Variants in FHAD1 observed in about 807,000 individuals in gnomAD.
The protein encoded by FHAD1 is forkhead-associated domain-containing protein 1.
Under a neutral mutation model 191.3 loss-of-function variants are expected in FHAD1, and 146 were observed. That is an observed-to-expected ratio of 0.76 (90% CI 0.67 to 0.88). FHAD1 has a LOEUF of 0.88. Among genes scored for constraint, FHAD1 ranks in the 40% least tolerant of loss-of-function variants. The probability of loss-of-function intolerance (pLI) is 0.00; values close to 1 mark genes in which losing one functional copy is unlikely to be tolerated. For missense variants in FHAD1, 1,635 were observed against 1,785.8 expected, an observed-to-expected ratio of 0.92 and a Z score of 1.52; for synonymous variants, 616 against 672.3, an observed-to-expected ratio of 0.92 and a Z score of 1.29.
intron 10 of FHAD1, among the ~76,000 whole-genome samples, chr1:15,322,512 G>A (rs960467372): frequency 2.6e-5 from 4 of 152,180 alleles, no homozygotes; most frequent in African/African-American, 9.7e-5. Context: ...GGGAAGCCAG[G>A]CCTGTCTGAC....
intron 23 of FHAD1, among the ~76,000 whole-genome samples, chr1:15,364,794 C>T (rs1695888770): frequency 6.6e-6 from 1 of 152,116 alleles, no homozygotes; most frequent in African/African-American, 2.4e-5. Flanking sequence ...TGCAGTTTCT[C>T]AACTTGCTGA....
Position 15,329,643 on chromosome 1 carries a change from G to C in FHAD1, c.1906+102G>C. 3.6e-6 allele frequency: 4 copies of C among 1,116,238 alleles called. No individual in the cohort carries two copies. Among genetic ancestry groups the C allele is most frequent in the Non-Finnish European group, 5.2e-6 (4 of 767,872 alleles). 69.1% of individuals were successfully genotyped at this position (1,116,238 alleles called of 1,614,324 possible). A position where few individuals can be genotyped will look rare whatever the true frequency, so the allele number is the denominator to read the frequency against. ...GTTGAGGAAGTCTTCCTGGGTATCT[G>C]GCCAAGTCTATTCCCTTCTCCAGAA... On this transcript the variant is annotated intron_variant, in intron 14 of 33. Transcript: ENST00000688493. The surrounding 1 kb of genome is among the most constrained non-coding windows in gnomAD (Gnocchi z 5.0).
At chr1:15,319,962 T>C (rs1036871600) in intron 10 of FHAD1, among the ~76,000 whole-genome samples, 1 of 152,216 alleles carries the variant, frequency 6.6e-6, no homozygotes, top group Non-Finnish European at 1.5e-5. Flanking sequence ...GTTGTAGTCA[T>C]GAACATGGAG....
chr1:15,293,524 C>T (rs971320505), intron 4 of FHAD1, among the ~76,000 whole-genome samples: 4 of 152,064 alleles, frequency 2.6e-5, no homozygotes, highest in African/African-American at 7.3e-5. Flanking sequence ...CTGAGACCAG[C>T]CTGACTAACA....
chr1:15,365,342 T>C (rs1339364390), intron 23 of FHAD1, among the ~76,000 whole-genome samples: 1 of 147,318 alleles, frequency 6.8e-6, no homozygotes, highest in East Asian at 2.0e-4. Context: ...TCTTTCTTTC[T>C]TTTTTTTTTT....
In FHAD1 at chr1:15,254,567, A is replaced by G. The variant is rs146366687; in HGVS notation, c.93+2690A>G. Among the ~76,000 whole-genome samples the G allele has an allele frequency of 3.8e-3, 573 of 152,336 alleles. 3 individuals carry two copies. Among genetic ancestry groups the G allele is most frequent in the African/African-American group, 0.013 (549 of 41,580 alleles). On this transcript the variant is annotated intron_variant, in intron 2 of 33. Coordinates refer to ENST00000688493, the MANE Select transcript of FHAD1 (RefSeq NM_001391957.1). Reference sequence around the variant, plus strand: ...TTGGAAACAGGAACTAATGAGGACAATTATTATATATATAGACAGAAATTG... The same window carrying G: ...TTGGAAACAGGAACTAATGAGGACAGTTATTATATATATAGACAGAAATTG...
rs1278975239 is a variant in FHAD1 at position 15,311,526 on chromosome 1, G to C, written c.1040-1531G>C. ...TCACAAAGCATGCAGGCAAGCCCCAGAGAGAGCAGTCTGTTTCTAAGGAAC... is the reference window on the plus strand; with the variant it reads ...TCACAAAGCATGCAGGCAAGCCCCACAGAGAGCAGTCTGTTTCTAAGGAAC... On this transcript the variant is annotated intron_variant, in intron 7 of 33. Coordinates refer to ENST00000688493, the MANE Select transcript of FHAD1 (RefSeq NM_001391957.1). This position sits in a 1 kb window ranked among gnomAD's most constrained non-coding sequence, Gnocchi z 4.1. 6.6e-6 allele frequency among the ~76,000 whole-genome samples: 1 copy of C among 152,192 alleles called. No individual in the cohort carries two copies. Among genetic ancestry groups the C allele is most frequent in the East Asian group, 1.9e-4 (1 of 5,198 alleles).
rs895475594 is a variant in FHAD1 at position 15,318,969 on chromosome 1, T to C, written c.1365+1041T>C. On this transcript the variant is annotated intron_variant, in intron 10 of 33. Coordinates refer to ENST00000688493, the MANE Select transcript of FHAD1 (RefSeq NM_001391957.1). This position sits in a 1 kb window ranked among gnomAD's most constrained non-coding sequence, Gnocchi z 4.1. The stretch of plus-strand genomic sequence containing the variant: ...TCATCTAGTTTATTTGATTAGAAGA[T>C]GGTTGTCATTGAGAAAACTAAGAAT... Among the ~76,000 whole-genome samples, 1 of 152,126 alleles carries C rather than the reference T, an allele frequency of 6.6e-6. No homozygotes were observed. Among genetic ancestry groups the C allele is most frequent in the Non-Finnish European group, 1.5e-5 (1 of 68,038 alleles).
At chr1:15,293,595 G>A (rs900661072) in intron 4 of FHAD1, among the ~76,000 whole-genome samples, 3 of 152,166 alleles carry the variant, frequency 2.0e-5, no homozygotes, top group Non-Finnish European at 4.4e-5. Context: ...GCACGCACCT[G>A]TAATCCCAGC....
chr1:15,245,748 A>C (rs1645944656), upstream of FHAD1, among the ~76,000 whole-genome samples: 2 of 152,226 alleles, frequency 1.3e-5, no homozygotes, highest in South Asian at 4.1e-4. Context: ...AGGTCTCTGC[A>C]GTTCAGCTGC....
chr1:15,354,435 T>G (rs1490405401), intron 20 of FHAD1, among the ~76,000 whole-genome samples: 1 of 151,974 alleles, frequency 6.6e-6, no homozygotes, highest in Non-Finnish European at 1.5e-5. Context: ...GAGAGTTGGG[T>G]GAAGTGATGC....
chr1:15,237,367 T>G (rs1440160086), intron 1 of FHAD1, among the ~76,000 whole-genome samples: 1 of 152,272 alleles, frequency 6.6e-6, no homozygotes, highest in Non-Finnish European at 1.5e-5. Flanking sequence ...ATCTTCCAGC[T>G]CTTGTTCCCA....
chr1:15,369,150 C>T (rs1258399888), intron 25 of FHAD1, among the ~76,000 whole-genome samples: 3 of 152,180 alleles, frequency 2.0e-5, no homozygotes, highest in Non-Finnish European at 4.4e-5. Flanking sequence ...CAGGTGTCTT[C>T]AGCCCCCGTG....
At chr1:15,270,033 A>G (rs12047158) in intron 2 of FHAD1, among the ~76,000 whole-genome samples, 19 of 150,806 alleles carry the variant, frequency 1.3e-4, no homozygotes, top group Non-Finnish European at 2.2e-4. Flanking sequence ...TCCACAGCCT[A>G]CTGAGTAGCT....
intron 33 of FHAD1, among the ~76,000 whole-genome samples, chr1:15,396,627 G>A (rs760934): frequency 0.022 from 3,395 of 151,890 alleles, 118 homozygotes; most frequent in African/African-American, 0.076. Flanking sequence ...TGACCAACAT[G>A]GTGAAACCCC....
rs957807791 is a variant in FHAD1, at chr1:15,380,724, A to G, written c.3729A>G (p.Ala1243=). The change falls in exon 29 of 34, where the codon GCA becomes GCG. Residue 1243 remains alanine, a synonymous_variant. Coordinates refer to ENST00000688493, the MANE Select transcript of FHAD1 (RefSeq NM_001391957.1). The part of the protein sequence containing the change: ...ILAPQNGLCN[A]RFGSAMEKSG... ...AGCCTCAGAATGGCCTTTGCAACGC[A>G]AGGTTCGGCTCAGCCATGGAGAAGT... The G allele has an allele frequency of 1.2e-5, 18 of 1,551,734 alleles. No individual in the cohort carries two copies. The highest frequency in any genetic ancestry group is 2.4e-5 in the East Asian group (1 of 40,928).
chr1:15,353,029 G>T, intron 20 of FHAD1, 45 bp downstream of exon 20: 4 of 1,375,184 alleles, frequency 2.9e-6, no homozygotes, highest in Non-Finnish European at 4.0e-6. Flanking sequence ...CCAGCACAGC[G>T]AAGGGCAGTG....
intron 5 of FHAD1, 122 bp from the exon 6 acceptor site, chr1:15,301,083 G>T (rs1668594597): frequency 5.2e-6 from 4 of 764,940 alleles, no homozygotes; most frequent in Admixed American, 2.8e-5. Flanking sequence ...ACCCATCTTG[G>T]CCTCCCATAG....
rs371256509 is a variant in FHAD1, at chr1:15,362,676, G to A, written c.2997G>A (p.Val999=). ...AGGAAAGGCCGCAAGACCCTCTGGT[G>A]GCTCCCATGACAGAGAGCAGTGCCA... is the stretch of plus-strand genomic sequence containing the variant. The part of the protein sequence containing the change: ...PKEERPQDPL[V]APMTESSAKD... The change falls in exon 23 of 34, where the codon GTG becomes GTA. Residue 999 remains valine (V), a synonymous_variant. Coordinates refer to ENST00000688493, the MANE Select transcript of FHAD1 (RefSeq NM_001391957.1). 1,154 of 1,551,808 alleles carry A rather than the reference G, an allele frequency of 7.4e-4. 1 individual carries two copies. Among genetic ancestry groups the A allele is most frequent in the Non-Finnish European group, 8.6e-4 (981 of 1,147,004 alleles).
Sources: gnomAD v4.1 joint callset for allele counts (sites outside exome capture counted in the v4.1 genomes callset) on GRCh38, gnomAD v4.1.1 for gene constraint, Gnocchi (gnomAD v3.1) non-coding constraint, MANE v1.5 for transcripts, NCBI Gene and HGNC (gene_info 2026-07-23, HGNC 2026-07-21) for gene names.